SLC22A15: variants seen among roughly 807,000 people sequenced by gnomAD.
The protein encoded by SLC22A15 is solute carrier family 22 member 15, also known as flipt 1.
A neutral mutation model predicts 62.7 loss-of-function variants in SLC22A15; 45 were observed. The observed-to-expected ratio is 0.72, with a 90% CI of 0.56 to 0.92. SLC22A15 has a LOEUF of 0.92. Among genes scored for constraint, SLC22A15 ranks in the 40% least tolerant of loss-of-function variants. The probability of loss-of-function intolerance (pLI) is 0.00; values close to 1 mark genes in which losing one functional copy is unlikely to be tolerated. For synonymous variants in SLC22A15, 264 were observed against 267.0 expected (o/e 0.99, Z 0.11); for missense variants, 622 against 665.6 (o/e 0.93, Z 0.72).
At chr1:116,009,154 C>T (rs972533616) in intron 2 of SLC22A15, among the ~76,000 whole-genome samples, 13 of 152,144 alleles carry the variant, frequency 8.5e-5, no homozygotes, top group Admixed American at 4.6e-4. Flanking sequence ...CCAGTGACAA[C>T]ATTCACTATG....
chr1:115,991,040 G>A (rs372202409), intron 1 of SLC22A15, among the ~76,000 whole-genome samples: 11 of 152,306 alleles, frequency 7.2e-5, no homozygotes, highest in East Asian at 3.9e-4. Flanking sequence ...CTGCAGGAGC[G>A]ATGATTAAAG....
intron 5 of SLC22A15, 104 bp downstream of exon 5, chr1:116,027,126 G>A: frequency 8.8e-7 from 1 of 1,142,110 alleles, no homozygotes; most frequent in Non-Finnish European, 1.3e-6. Context: ...GAGCTTGCCT[G>A]CACTGACTTT....
At chr1:115,991,871 T>C (rs938493989) in intron 1 of SLC22A15, among the ~76,000 whole-genome samples, 160 bp from the exon 2 acceptor site, 6 of 152,240 alleles carry the variant, frequency 3.9e-5, no homozygotes, top group African/African-American at 1.4e-4. Context: ...AAGGTTCTTT[T>C]TCATGTTTTT....
intron 8 of SLC22A15, among the ~76,000 whole-genome samples, chr1:116,052,333 C>T (rs990963778): frequency 4.6e-5 from 7 of 152,196 alleles, no homozygotes; most frequent in Non-Finnish European, 8.8e-5. Context: ...AAGGTGGCAG[C>T]GAGGCTGGGG....
chr1:116,031,777 T>C (rs1250471074), intron 6 of SLC22A15, 196 bp downstream of exon 6: 2 of 1,421,266 alleles, frequency 1.4e-6, no homozygotes, highest in East Asian at 5.1e-5. Context: ...AAGTAGCAGA[T>C]GATAGTGCCT....
intron 8 of SLC22A15, among the ~76,000 whole-genome samples, chr1:116,044,710 ATT>A (rs1233785844): frequency 1.3e-5 from 2 of 152,190 alleles, no homozygotes; most frequent in African/African-American, 4.8e-5. Flanking sequence ...TGTATAAACA[ATT>A]TTCTTTCTAC....
intron 1 of SLC22A15, among the ~76,000 whole-genome samples, chr1:115,981,412 G>A (rs1654602781): frequency 6.6e-6 from 1 of 152,186 alleles, no homozygotes; most frequent in Non-Finnish European, 1.5e-5. Context: ...CCCTCACACA[G>A]TGGCCTGGAG....
At chr1:116,050,994 C>G (rs904020002) in intron 8 of SLC22A15, among the ~76,000 whole-genome samples, 3 of 152,060 alleles carry the variant, frequency 2.0e-5, no homozygotes, top group African/African-American at 7.2e-5. Context: ...AAATAAAATA[C>G]TTAGAAATAT....
chr1:116,001,251 T>A (rs1427572332), intron 2 of SLC22A15, among the ~76,000 whole-genome samples: 1 of 152,194 alleles, frequency 6.6e-6, no homozygotes, highest in Admixed American at 6.5e-5. Flanking sequence ...TTGCTGCTTT[T>A]AGAACCATTT....
At chr1:116,031,954 A>C in intron 6 of SLC22A15, 1 of 1,071,462 alleles carries the variant, frequency 9.3e-7, no homozygotes, top group South Asian at 3.0e-5. Context: ...GGACTTTAAA[A>C]ATACTTACCT....
At chr1:116,000,246 C>T (rs1275723207) in intron 2 of SLC22A15, among the ~76,000 whole-genome samples, 5 of 151,844 alleles carry the variant, frequency 3.3e-5, no homozygotes, top group African/African-American at 7.3e-5. Context: ...TGAAATTTTT[C>T]GTGTATCTGT....
In SLC22A15 at chr1:116,031,407, G is replaced by A. The variant is rs767277983; in HGVS notation, c.770G>A (p.Arg257Gln). Reference sequence around the variant, plus strand: ...CCTCGTTGGTTATACTCCCAGGGTCGACTGAGTGAGGCTGAAGAGGCGCTG... The same window carrying A: ...CCTCGTTGGTTATACTCCCAGGGTCAACTGAGTGAGGCTGAAGAGGCGCTG... ...ESPRWLYSQGRLSEAEEALYL... is the reference protein window; with the variant it reads ...ESPRWLYSQGQLSEAEEALYL... Residue 257 changes from arginine (R) to glutamine (Q), a missense_variant, in exon 6 of 12, where the codon CGA becomes CAA. Arg to Gln is a conservative substitution (Grantham distance 43). Transcript: ENST00000369503. The A allele has an allele frequency of 3.1e-6, 5 of 1,613,614 alleles. No homozygotes were observed. The highest frequency in any genetic ancestry group is 2.7e-5 in the African/African-American group (2 of 74,880).
intron 1 of SLC22A15, among the ~76,000 whole-genome samples, chr1:115,985,486 TGCATGTG>T (rs1654810353): frequency 6.6e-6 from 1 of 152,244 alleles, no homozygotes; most frequent in South Asian, 2.1e-4. Flanking sequence ...CTCATTTGAA[TGCATGTG>T]CCTTGAAGGA....
chr1:116,053,978 AG>A (rs1658129818), intron 8 of SLC22A15, among the ~76,000 whole-genome samples: 1 of 152,212 alleles, frequency 6.6e-6, no homozygotes, highest in African/African-American at 2.4e-5. Context: ...CATCGAGACT[AG>A]GAAGAAACTG....
chr1:116,048,568 A>C (rs1365779416), intron 8 of SLC22A15, among the ~76,000 whole-genome samples: 1 of 152,232 alleles, frequency 6.6e-6, no homozygotes, highest in African/African-American at 2.4e-5. Flanking sequence ...CCACTACAAG[A>C]ACTGCTAAAA....
chr1:116,000,910 G>A (rs1425255903), intron 2 of SLC22A15, among the ~76,000 whole-genome samples: 1 of 152,066 alleles, frequency 6.6e-6, no homozygotes, highest in Non-Finnish European at 1.5e-5. Flanking sequence ...GGGATTACAG[G>A]CGTGAGCCAC....
chr1:116,067,666 G>T lies in SLC22A15; in HGVS notation c.*558G>T, dbSNP rs1658529292. 6.6e-6 allele frequency: 1 copy of T among 152,448 alleles called. No individual in the cohort carries two copies. The highest frequency in any genetic ancestry group is 6.5e-5 in the Admixed American group (1 of 15,288). The allele number at this position is 152,448 out of a possible 1,614,324, so 9.4% of individuals were successfully genotyped here. On this transcript the variant is annotated 3_prime_UTR_variant, in exon 12 of 12. Transcript: ENST00000369503. ...CCCGAGACCCTCCAGCTTTTTCTTA[G>T]CTGATGAAATATGAGTCCTCAGCTT...
At chr1:116,039,009 C>CA (rs1487594663) in intron 8 of SLC22A15, among the ~76,000 whole-genome samples, 7 of 152,086 alleles carry the variant, frequency 4.6e-5, no homozygotes, top group Admixed American at 4.6e-4. Context: ...AATAACAAGA[C>CA]AAAAATCCAT....
intron 4 of SLC22A15, among the ~76,000 whole-genome samples, chr1:116,023,819 A>G (rs950785279): frequency 1.1e-4 from 17 of 152,212 alleles, no homozygotes; most frequent in Non-Finnish European, 2.5e-4. Context: ...AATGATTAGG[A>G]AGACCCAGGC....
Sources: gnomAD v4.1 joint callset for allele counts (sites outside exome capture counted in the v4.1 genomes callset) on GRCh38, gnomAD v4.1.1 for gene constraint, MANE v1.5 for transcripts, NCBI Gene and HGNC (gene_info 2026-07-23, HGNC 2026-07-21) for gene names.